The following UBAP2 variants were observed in gnomAD, a reference collection of about 807,000 sequenced individuals.
The protein encoded by UBAP2 is ubiquitin associated protein 2.
UBAP2 carries 75 observed loss-of-function variants against 139.6 expected under a neutral mutation model. That is an observed-to-expected ratio of 0.54 (90% CI 0.45 to 0.65). UBAP2 has a LOEUF of 0.65. UBAP2 is among the 30% of genes least tolerant of loss of function. UBAP2 has a pLI of 0.00. For synonymous variants in UBAP2, 526 were observed against 526.2 expected (o/e 1.00, Z 0.01); for missense variants, 1,368 against 1,369.6 (o/e 1.00, Z 0.02).
chr9:34,031,508 T>C (rs1033993754), intron 1 of UBAP2, among the ~76,000 whole-genome samples: 6 of 152,014 alleles, frequency 3.9e-5, no homozygotes, highest in Non-Finnish European at 7.4e-5. Flanking sequence ...GGTTTCGACA[T>C]GTTGGCCAGG....
intron 2 of UBAP2, among the ~76,000 whole-genome samples, chr9:34,002,103 C>T (rs1477548388): frequency 6.6e-6 from 1 of 151,922 alleles, no homozygotes; most frequent in South Asian, 2.1e-4. Flanking sequence ...ATGGCAGCCA[C>T]CATGCCTGGC....
chr9:34,024,129 C>G (rs1016261934), intron 1 of UBAP2, among the ~76,000 whole-genome samples: 22 of 151,988 alleles, frequency 1.4e-4, no homozygotes, highest in African/African-American at 5.1e-4. Flanking sequence ...GAGGCCGAGC[C>G]GGCTGGATCA....
intron 1 of UBAP2, among the ~76,000 whole-genome samples, chr9:34,024,951 T>A (rs1825283428): frequency 6.7e-6 from 1 of 149,542 alleles, no homozygotes; most frequent in African/African-American, 2.5e-5. Context: ...GCCACTACAC[T>A]CCAATCGGGG....
At chr9:33,996,482 C>T (rs773310113) in intron 3 of UBAP2, 149 bp from the exon 4 acceptor site, 67 of 577,066 alleles carry the variant, frequency 1.2e-4, no homozygotes, top group African/African-American at 1.2e-3. Flanking sequence ...GACATGTTTA[C>T]TTATTTTTTT....
upstream of UBAP2, among the ~76,000 whole-genome samples, chr9:34,049,166 C>G (rs991404410): frequency 1.3e-5 from 2 of 152,234 alleles, no homozygotes; most frequent in Non-Finnish European, 2.9e-5. Flanking sequence ...AAGGTGCCCA[C>G]AACTGCAGCT....
At chr9:33,984,284 A>ATAT (rs1821014327) in intron 6 of UBAP2, among the ~76,000 whole-genome samples, 1 of 152,176 alleles carries the variant, frequency 6.6e-6, no homozygotes, top group South Asian at 2.1e-4. Flanking sequence ...TTGCAGGATG[A>ATAT]TATTCATCTG....
At chr9:33,973,388 C>A in intron 6 of UBAP2, 151 bp from the exon 7 acceptor site, 1 of 777,474 alleles carries the variant, frequency 1.3e-6, no homozygotes, top group African/African-American at 1.7e-5. Context: ...ATTAACTGAT[C>A]CCTGCTGATA....
intron 1 of UBAP2, among the ~76,000 whole-genome samples, chr9:34,018,586 G>A (rs944416784): frequency 5.3e-5 from 8 of 152,316 alleles, no homozygotes; most frequent in East Asian, 3.9e-4. Flanking sequence ...ATTATTGGCC[G>A]GGCACGGTCA....
At chr9:33,954,079 G>A (rs957365121) in intron 11 of UBAP2, among the ~76,000 whole-genome samples, 1 of 151,772 alleles carries the variant, frequency 6.6e-6, no homozygotes, top group Non-Finnish European at 1.5e-5. Flanking sequence ...GCTAATTTTT[G>A]TATTTTTAGT....
intron 2 of UBAP2, among the ~76,000 whole-genome samples, chr9:33,999,772 C>T (rs975510009): frequency 1.4e-5 from 2 of 145,276 alleles, no homozygotes; most frequent in African/African-American, 2.4e-5. Context: ...AGTGCAGTGC[C>T]GTGATCTTGA....
chr9:33,927,296 G>A (rs888122611), intron 20 of UBAP2, among the ~76,000 whole-genome samples: 3 of 152,104 alleles, frequency 2.0e-5, no homozygotes, highest in African/African-American at 4.8e-5. Flanking sequence ...AGAGAGTTCC[G>A]GGCCCAGACA....
chr9:33,997,058 C>CT (rs1822266742), intron 3 of UBAP2: 1 of 152,144 alleles, frequency 6.6e-6, no homozygotes. Flanking sequence ...GAAGAAAAAA[C>CT]ATCATTCCAT....
At chr9:33,974,220 C>T (rs1032480049) in intron 6 of UBAP2, among the ~76,000 whole-genome samples, 4 of 152,078 alleles carry the variant, frequency 2.6e-5, no homozygotes. Context: ...TAACAAAACA[C>T]ATATTGGCTA....
At chr9:34,037,300 A>AT (rs1466477158) in intron 1 of UBAP2, among the ~76,000 whole-genome samples, 1 of 151,608 alleles carries the variant, frequency 6.6e-6, no homozygotes, top group Non-Finnish European at 1.5e-5. Flanking sequence ...CACACAGCTA[A>AT]TTTTTGTATT....
intron 2 of UBAP2, among the ~76,000 whole-genome samples, chr9:34,007,665 G>A (rs1234105661): frequency 6.9e-6 from 1 of 145,930 alleles, no homozygotes; most frequent in Non-Finnish European, 1.5e-5. Context: ...TTGAGACTGA[G>A]TCTCGCTCTG....
Position 33,931,016 on chromosome 9 carries a change from A to G in UBAP2, c.2175+1546T>C, listed in dbSNP as rs538176325. Reference sequence around the variant, plus strand: ...AAAATGTAAGGGTAGAGCCAAGTAGATGAGAGACAGAAAAACTTTTCATTG... The same window carrying G: ...AAAATGTAAGGGTAGAGCCAAGTAGGTGAGAGACAGAAAAACTTTTCATTG... On this transcript the variant is annotated intron_variant, in intron 19 of 28. Coordinates refer to ENST00000379238, the MANE Select transcript of UBAP2 (RefSeq NM_001370062.2). 2.6e-5 allele frequency among the ~76,000 whole-genome samples: 4 copies of G among 152,228 alleles called. No individual in the cohort carries two copies. In the East Asian group the frequency reaches 7.7e-4, roughly 29 times the overall value.
rs1435977227 is a variant in UBAP2 at position 33,953,453 on chromosome 9, G to C, written c.888C>G (p.Leu296=). ...CTTGACTGTGAGGAACAGGCTTCTG[G>C]AGCAAGGCTACCAGATCAATGCTAA... The part of the protein sequence containing the change: ...PGQSIDLVAL[L]QKPVPHSQAS... Residue 296 remains leucine, a synonymous_variant, in exon 12 of 29, where the codon CTC becomes CTG. Coordinates refer to ENST00000379238, the MANE Select transcript of UBAP2 (RefSeq NM_001370062.2). 3.1e-6 allele frequency: 5 copies of C among 1,613,864 alleles called. No individual in the cohort carries two copies. The highest frequency in any genetic ancestry group is 1.1e-5 in the South Asian group (1 of 90,986).
chr9:33,969,095 T>C (rs1827694980), intron 8 of UBAP2, among the ~76,000 whole-genome samples: 1 of 152,252 alleles, frequency 6.6e-6, no homozygotes, highest in Non-Finnish European at 1.5e-5. Flanking sequence ...TTGAGGTTTT[T>C]TCCCCCCAGA....
At chr9:34,017,649 G>A (rs181174692) in intron 1 of UBAP2, among the ~76,000 whole-genome samples, 8 of 152,160 alleles carry the variant, frequency 5.3e-5, no homozygotes, top group African/African-American at 1.7e-4. Context: ...TTGTGTGGCC[G>A]GGTGCGGTGG....
Sources: allele counts gnomAD v4.1 joint callset (sites outside exome capture counted in the v4.1 genomes callset), GRCh38; gene constraint gnomAD v4.1.1; transcripts MANE v1.5; gene names NCBI Gene and HGNC (gene_info 2026-07-23, HGNC 2026-07-21).